PLAAT3: variants seen among roughly 807,000 people sequenced by gnomAD.
The protein encoded by PLAAT3 is Ca-independent phospholipase A1/2.
PLAAT3 carries 21 observed loss-of-function variants against 16.7 expected under a neutral mutation model. That is an observed-to-expected ratio of 1.26 (90% CI 0.89 to 1.81). The LOEUF is 1.81. PLAAT3 is among the 40% of genes most tolerant of loss of function. The pLI is 0.00. For missense variants in PLAAT3, 219 were observed against 213.7 expected (o/e 1.02, Z -0.16); for synonymous variants, 76 against 81.7 (o/e 0.93, Z 0.38).
intron 2 of PLAAT3, chr11:63,598,630 C>T (rs558985061): frequency 5.5e-5 from 28 of 507,328 alleles, no homozygotes; most frequent in African/African-American, 4.1e-4. Context: ...CAGGACTGAA[C>T]GCCCAGTTGG....
chr11:63,606,721 C>T (rs566137269), intron 2 of PLAAT3, among the ~76,000 whole-genome samples: 18 of 151,102 alleles, frequency 1.2e-4, no homozygotes, highest in African/African-American at 3.9e-4. Context: ...CAGCGGGGCG[C>T]GTGTCTGAGC....
At chr11:63,614,333 GGCACCTC>G (rs1938776692) in intron 1 of PLAAT3, 45 bp downstream of exon 1, 2 of 418,328 alleles carry the variant, frequency 4.8e-6, no homozygotes, top group Non-Finnish European at 8.6e-6. Flanking sequence ...AAGCATCCCA[GGCACCTC>G]GCCCGGCCTT....
chr11:63,590,175 C>T lies in PLAAT3; in HGVS notation c.312G>A (p.Val104=), dbSNP rs199606365. The change falls in exon 4 of 5, where the codon GTG becomes GTA. Residue 104 remains valine, a synonymous_variant. Transcript: ENST00000415826. The part of the protein sequence containing the change: ...QRAEELVGQE[V]LYKLTSENCE... ...AGTTCTCACTGGTCAGCTTGTAGAG[C>T]ACCTCCTGCCCCACCAGCTCCTCCG... is the stretch of plus-strand genomic sequence containing the variant. 146 of 1,614,104 alleles carry T rather than the reference C, an allele frequency of 9.0e-5. No individual in the cohort carries two copies. Among genetic ancestry groups the T allele is most frequent in the Non-Finnish European group, 1.2e-4 (136 of 1,180,032 alleles).
intron 4 of PLAAT3, among the ~76,000 whole-genome samples, chr11:63,580,169 G>A (rs1937764996): frequency 6.6e-6 from 1 of 152,182 alleles, no homozygotes; most frequent in Non-Finnish European, 1.5e-5. Flanking sequence ...AATCTCCCCA[G>A]AATGACAGTA....
chr11:63,574,722 G>A lies in PLAAT3; in HGVS notation c.*223C>T. 1.8e-6 allele frequency: 1 copy of A among 542,920 alleles called. No homozygotes were observed. Among genetic ancestry groups the A allele is most frequent in the East Asian group, 3.1e-5 (1 of 32,062 alleles). 33.6% of individuals were successfully genotyped at this position (542,920 alleles called of 1,614,324 possible). On this transcript the variant is annotated 3_prime_UTR_variant, in exon 5 of 5. Coordinates refer to ENST00000415826, the MANE Select transcript of PLAAT3 (RefSeq NM_001128203.2). ...AAAAAGAAAGTGAAAGACAATCCCT[G>A]ACCAGGAAGACAGCCCGGCTGTTCC...
intron 4 of PLAAT3, among the ~76,000 whole-genome samples, chr11:63,587,239 G>T (rs1296607789): frequency 6.6e-6 from 1 of 152,008 alleles, no homozygotes; most frequent in African/African-American, 2.4e-5. Context: ...CAAGTACCTG[G>T]CACAATACAT....
intron 2 of PLAAT3, among the ~76,000 whole-genome samples, chr11:63,613,415 A>T (rs1938741881): frequency 6.8e-6 from 1 of 146,004 alleles, no homozygotes; most frequent in South Asian, 2.2e-4. Context: ...CGTCTCAAAA[A>T]ATAAAAATAA....
At chr11:63,602,585 CT>C (rs1287200109) in intron 2 of PLAAT3, among the ~76,000 whole-genome samples, 180 of 143,190 alleles carry the variant, frequency 1.3e-3, no homozygotes, top group Middle Eastern at 3.6e-3. Flanking sequence ...ATGGTTTGTA[CT>C]TTTTTTTTTT....
chr11:63,613,887 C>T (rs1180044621), intron 2 of PLAAT3, 113 bp downstream of exon 2: 5 of 703,054 alleles, frequency 7.1e-6, no homozygotes, highest in African/African-American at 5.5e-5. Context: ...AGGTGCGGGC[C>T]CCACATCCTC....
chr11:63,575,110 A>C, intron 4 of PLAAT3, 64 bp from the exon 5 acceptor site: 8 of 1,133,538 alleles, frequency 7.1e-6, no homozygotes, highest in Non-Finnish European at 1.1e-5. Context: ...CTGCACATTC[A>C]GCAGAAACAT....
intron 2 of PLAAT3, among the ~76,000 whole-genome samples, chr11:63,604,321 C>G (rs1279340478): frequency 6.6e-6 from 1 of 151,898 alleles, no homozygotes; most frequent in Non-Finnish European, 1.5e-5. Flanking sequence ...ATATGAATTA[C>G]TTTGACAATA....
At chr11:63,611,744 T>A (rs1938697668) in intron 2 of PLAAT3, among the ~76,000 whole-genome samples, 1 of 152,258 alleles carries the variant, frequency 6.6e-6, no homozygotes, top group Non-Finnish European at 1.5e-5. Flanking sequence ...TCATCATTTC[T>A]AAAGCAATGG....
intron 4 of PLAAT3, among the ~76,000 whole-genome samples, chr11:63,577,478 G>A (rs571701656): frequency 6.6e-6 from 1 of 151,958 alleles, no homozygotes; most frequent in South Asian, 2.1e-4. Context: ...CCAGGCAAGT[G>A]TACTTTTAAT....
At chr11:63,578,334 G>C (rs1245163644) in intron 4 of PLAAT3, among the ~76,000 whole-genome samples, 1 of 151,752 alleles carries the variant, frequency 6.6e-6, no homozygotes, top group Non-Finnish European at 1.5e-5. Flanking sequence ...CATCTTAATG[G>C]ATAAAAGTAG....
chr11:63,590,064 G>C, intron 4 of PLAAT3, 36 bp downstream of exon 4: 1 of 1,600,050 alleles, frequency 6.2e-7, no homozygotes, highest in South Asian at 1.1e-5. Context: ...GGAATGGTCT[G>C]GTTCCTGGGG....
intron 2 of PLAAT3, among the ~76,000 whole-genome samples, chr11:63,608,282 G>C (rs1325452586): frequency 6.6e-6 from 1 of 152,182 alleles, no homozygotes; most frequent in African/African-American, 2.4e-5. Flanking sequence ...GGGAGAGGTG[G>C]GGAGACTGAA....
At chr11:63,589,733 T>C (rs1938090679) in intron 4 of PLAAT3, among the ~76,000 whole-genome samples, 1 of 152,192 alleles carries the variant, frequency 6.6e-6, no homozygotes, top group Admixed American at 6.5e-5. Context: ...TGAATGGCTG[T>C]AGACAAGTTA....
intron 2 of PLAAT3, among the ~76,000 whole-genome samples, chr11:63,600,568 CT>C (rs1938398252): frequency 1.4e-5 from 2 of 146,438 alleles, no homozygotes; most frequent in Non-Finnish European, 3.0e-5. Flanking sequence ...TCTTCTACAT[CT>C]TCATGGTTTT....
At chr11:63,594,434 G>A (rs1438106857) in intron 3 of PLAAT3, among the ~76,000 whole-genome samples, 1 of 151,960 alleles carries the variant, frequency 6.6e-6, no homozygotes, top group Non-Finnish European at 1.5e-5. Context: ...AGAAAGTCAG[G>A]TGCCAGGTGG....
Sources: gnomAD v4.1 joint callset for allele counts (sites outside exome capture counted in the v4.1 genomes callset) on GRCh38, gnomAD v4.1.1 for gene constraint, MANE v1.5 for transcripts, NCBI Gene and HGNC (gene_info 2026-07-23, HGNC 2026-07-21) for gene names.